Variants in PLEKHA6 observed in about 807,000 individuals in gnomAD.
The protein encoded by PLEKHA6 is pleckstrin homology domain-containing family A member 6.
PLEKHA6 carries 60 observed loss-of-function variants against 116.7 expected under a neutral mutation model. The ratio of observed to expected loss-of-function variants is 0.51; its 90% CI spans 0.42 to 0.64. The LOEUF (loss-of-function observed/expected upper bound fraction) is 0.64. Ranked by LOEUF, PLEKHA6 falls within the 30% of genes least tolerant of loss-of-function variation. PLEKHA6 has a pLI of 0.00. For missense variants in PLEKHA6, 1,338 were observed against 1,422.7 expected (o/e 0.94, Z 0.96); for synonymous variants, 489 against 556.1 (o/e 0.88, Z 1.70).
In PLEKHA6 at chr1:204,222,548, A is replaced by T. The variant is rs1452586445; in HGVS notation, c.*240T>A. 3 of 152,848 alleles carry T rather than the reference A, an allele frequency of 2.0e-5. No homozygotes were observed. Among genetic ancestry groups the T allele is most frequent in the Non-Finnish European group, 4.4e-5 (3 of 68,204 alleles). 9.5% of individuals were successfully genotyped at this position (152,848 alleles called of 1,614,324 possible). A position where few individuals can be genotyped will look rare whatever the true frequency, so the allele number is the denominator to read the frequency against. On this transcript the variant is annotated 3_prime_UTR_variant, in exon 23 of 23. Transcript: ENST00000272203. ...TCATCTCAGGCCCTGGCCCAGGACC[A>T]CGGTGTGAGTAGTGATGGCTCCAGG...
chr1:204,278,763 T>C (rs1668284734), intron 1 of PLEKHA6, among the ~76,000 whole-genome samples: 1 of 152,206 alleles, frequency 6.6e-6, no homozygotes, highest in South Asian at 2.1e-4. Flanking sequence ...TCACATCCTT[T>C]CCCTGTCCCT....
intron 1 of PLEKHA6, among the ~76,000 whole-genome samples, chr1:204,335,020 T>C (rs1333975332): frequency 1.3e-5 from 2 of 152,172 alleles, no homozygotes; most frequent in African/African-American, 4.8e-5. Flanking sequence ...TTATTCCCCT[T>C]GTCTAACTGA....
chr1:204,375,007 T>C (rs1197791386), intron 1 of PLEKHA6, among the ~76,000 whole-genome samples: 1 of 152,086 alleles, frequency 6.6e-6, no homozygotes, highest in Non-Finnish European at 1.5e-5. Flanking sequence ...ATTCCTTCCT[T>C]TTTTCTTCTT....
chr1:204,223,725 T>C lies in PLEKHA6; in HGVS notation c.3032-140A>G, dbSNP rs1318962417. 5 of 613,922 alleles carry C rather than the reference T, an allele frequency of 8.1e-6. No homozygotes were observed. Among genetic ancestry groups the C allele is most frequent in the Non-Finnish European group, 1.5e-5 (5 of 339,708 alleles). 38.0% of individuals were successfully genotyped at this position (613,922 alleles called of 1,614,324 possible). ...AGAGAGCACTGAGCTTGGAGCTTGC[T>C]CAAGCTAGGCCAAGCTGTCCTCATT... On this transcript the variant is annotated intron_variant, in intron 21 of 22. Coordinates refer to ENST00000272203, the MANE Select transcript of PLEKHA6 (RefSeq NM_014935.5). The surrounding 1 kb of genome is among the most constrained non-coding windows in gnomAD (Gnocchi z 4.8).
chr1:204,341,651 T>C (rs1371507689), intron 1 of PLEKHA6, among the ~76,000 whole-genome samples: 4 of 152,208 alleles, frequency 2.6e-5, no homozygotes, highest in Admixed American at 1.3e-4. Context: ...TTAGAAGGCA[T>C]GGTTATCAGA....
chr1:204,317,948 C>G (rs1011144061), intron 1 of PLEKHA6, among the ~76,000 whole-genome samples: 1 of 152,208 alleles, frequency 6.6e-6, no homozygotes, highest in African/African-American at 2.4e-5. Context: ...AGTCCATATT[C>G]ATGGAGCATT....
intron 2 of PLEKHA6, chr1:204,367,914 C>T (rs1673692194): frequency 2.6e-5 from 4 of 152,284 alleles, no homozygotes; most frequent in Admixed American, 2.6e-4. Flanking sequence ...CTCTTCCTCT[C>T]TTCCCACAAA....
Position 204,261,470 on chromosome 1 carries a change from G to A in PLEKHA6, c.382-22C>T, listed in dbSNP as rs1188962629. ...CAGCCTGTGGGGAGAGGCAGCGTGTGGAGCTGGCCTCGGCCTCATCCACCC... is the reference window on the plus strand; with the variant it reads ...CAGCCTGTGGGGAGAGGCAGCGTGTAGAGCTGGCCTCGGCCTCATCCACCC... On this transcript the variant is annotated intron_variant, in intron 6 of 22. Coordinates refer to ENST00000272203, the MANE Select transcript of PLEKHA6 (RefSeq NM_014935.5). The surrounding 1 kb of genome is among the most constrained non-coding windows in gnomAD (Gnocchi z 4.0). 3 of 1,591,422 alleles carry A rather than the reference G, an allele frequency of 1.9e-6. No individual in the cohort carries two copies. The highest frequency in any genetic ancestry group is 1.3e-5 in the African/African-American group (1 of 74,558).
intron 9 of PLEKHA6, among the ~76,000 whole-genome samples, chr1:204,253,833 C>CAAAAAAAA (rs5780222): frequency 7.6e-6 from 1 of 131,966 alleles, no homozygotes. Context: ...GATCTTGTCT[C>CAAAAAAAA]AAAAAAAAAA....
intron 2 of PLEKHA6, among the ~76,000 whole-genome samples, chr1:204,274,417 T>C (rs1667805628): frequency 6.6e-6 from 1 of 152,190 alleles, no homozygotes; most frequent in Admixed American, 6.5e-5. Context: ...CATGATCATA[T>C]CAGATTTTCT....
At chr1:204,371,498 A>G (rs1673778418) in intron 2 of PLEKHA6, 1 of 152,248 alleles carries the variant, frequency 6.6e-6, no homozygotes, top group African/African-American at 2.4e-5. Flanking sequence ...ATCCTCCTCA[A>G]TTGCAAAGGC....
intron 3 of PLEKHA6, among the ~76,000 whole-genome samples, chr1:204,366,128 G>C (rs1673642759): frequency 6.6e-6 from 1 of 152,186 alleles, no homozygotes; most frequent in Non-Finnish European, 1.5e-5. Context: ...TCTAGGGACT[G>C]GTGAGATGCC....
chr1:204,287,061 G>T (rs761133113), intron 1 of PLEKHA6, among the ~76,000 whole-genome samples: 1 of 152,124 alleles, frequency 6.6e-6, no homozygotes, highest in Non-Finnish European at 1.5e-5. Context: ...GGAGCACCCT[G>T]TTCCCACCTA....
At chr1:204,295,800 T>G (rs1037076418) in intron 1 of PLEKHA6, among the ~76,000 whole-genome samples, 1 of 152,074 alleles carries the variant, frequency 6.6e-6, no homozygotes, top group East Asian at 1.9e-4. Context: ...TGCTTCTAGG[T>G]GGCCACAGCA....
At chr1:204,371,790 C>G (rs1673783656) in intron 1 of PLEKHA6, among the ~76,000 whole-genome samples, 1 of 152,200 alleles carries the variant, frequency 6.6e-6, no homozygotes, top group African/African-American at 2.4e-5. Context: ...CTGAGGATTT[C>G]AGGATGAATA....
chr1:204,233,340 T>G (rs1661481664), intron 17 of PLEKHA6, among the ~76,000 whole-genome samples: 1 of 123,116 alleles, frequency 8.1e-6, no homozygotes, highest in Non-Finnish European at 1.7e-5. Context: ...CACACCTGGC[T>G]AATTTTTTTT....
intron 1 of PLEKHA6, chr1:204,275,085 C>A: frequency 4.3e-6 from 1 of 234,590 alleles, no homozygotes; most frequent in Non-Finnish European, 7.0e-6. Context: ...CCACACTGAA[C>A]TCTTTCAGTG....
intron 17 of PLEKHA6, among the ~76,000 whole-genome samples, chr1:204,234,464 CAGCACA>C (rs1558029770): frequency 2.0e-5 from 3 of 152,194 alleles, no homozygotes; most frequent in African/African-American, 4.8e-5. Context: ...TACCTTGGAT[CAGCACA>C]TTTGACTCTG....
chr1:204,355,687 G>A (rs994791775), intron 1 of PLEKHA6, among the ~76,000 whole-genome samples: 7 of 152,058 alleles, frequency 4.6e-5, no homozygotes, highest in African/African-American at 1.2e-4. Context: ...TAATCCACCC[G>A]CTTCGGCCTC....
Sources: allele counts gnomAD v4.1 joint callset (sites outside exome capture counted in the v4.1 genomes callset), GRCh38; gene constraint gnomAD v4.1.1; non-coding constraint Gnocchi (gnomAD v3.1); transcripts MANE v1.5; gene names NCBI Gene and HGNC (gene_info 2026-07-23, HGNC 2026-07-21).